The following ZNF732 variants were observed in gnomAD, a reference collection of about 807,000 sequenced individuals.
ZNF732 encodes the protein zinc finger protein 732.
ZNF732 carries 12 observed loss-of-function variants against 11.5 expected under a neutral mutation model. The ratio of observed to expected loss-of-function variants is 1.05; its 90% CI spans 0.67 to 1.70. The LOEUF (loss-of-function observed/expected upper bound fraction) is 1.70, where lower values mean the gene tolerates loss of function less well. ZNF732 is among the 40% of genes most tolerant of loss of function. ZNF732 has a pLI of 0.00. For missense variants in ZNF732, 702 were observed against 676.9 expected, an observed-to-expected ratio of 1.04 and a Z score of -0.41; for synonymous variants, 231 against 236.5, an observed-to-expected ratio of 0.98 and a Z score of 0.21.
chr4:297,313 G>T (rs181694633), intron 1 of ZNF732, among the ~76,000 whole-genome samples: 2 of 151,686 alleles, frequency 1.3e-5, no homozygotes, highest in African/African-American at 2.4e-5. Flanking sequence ...GCATTAATGC[G>T]GTATTTATGG....
At chr4:273,408 G>T (rs1021038602) in intron 3 of ZNF732, among the ~76,000 whole-genome samples, 4 of 151,612 alleles carry the variant, frequency 2.6e-5, no homozygotes, top group Admixed American at 6.6e-5. Flanking sequence ...CAAAATATTA[G>T]AACATGGTCT....
intron 3 of ZNF732, among the ~76,000 whole-genome samples, chr4:291,222 T>C (rs1553841307): frequency 2.0e-5 from 3 of 152,180 alleles, no homozygotes; most frequent in African/African-American, 7.2e-5. Context: ...GGATACGTAA[T>C]CAACATACAA....
chr4:287,205 T>A (rs1438423279), intron 3 of ZNF732, among the ~76,000 whole-genome samples: 2 of 151,548 alleles, frequency 1.3e-5, no homozygotes, highest in African/African-American at 4.8e-5. Flanking sequence ...CAAGAATATG[T>A]GAAACTTAAC....
In ZNF732 at chr4:271,864, C is replaced by A. The variant is rs368207740; in HGVS notation, c.993G>T (p.Glu331Asp). Residue 331 changes from glutamate to aspartate, a missense_variant, in exon 4 of 4, where the codon GAG (glutamate) becomes GAT (aspartate). Glu to Asp is a conservative substitution (Grantham distance 45). Around this residue, in one of 3 missense-constraint regions of ZNF732, gnomAD observed 596 missense variants for 557.9 expected, o/e 1.07. Coordinates refer to ENST00000419098, the MANE Select transcript of ZNF732 (RefSeq NM_001137608.3). ...LTKHNRIHTGEKPYTCEECGK... is the reference protein window; with the variant it reads ...LTKHNRIHTGDKPYTCEECGK... ...CACATTCTTCACATGTGTAGGGTTT[C>A]TCTCCAGTATGAATTCTGTTATGTT... 1.2e-6 allele frequency: 2 copies of A among 1,613,626 alleles called. No individual in the cohort carries two copies. The highest frequency in any genetic ancestry group is 1.7e-6 in the Non-Finnish European group (2 of 1,179,890).
intron 1 of ZNF732, among the ~76,000 whole-genome samples, chr4:300,470 A>AAG (rs1553843444): frequency 1.3e-5 from 2 of 149,472 alleles, no homozygotes; most frequent in African/African-American, 2.5e-5. Flanking sequence ...AAAAAAAAAA[A>AAG]AAAAGAAAAG....
chr4:293,248 A>ATGTATATATGTGTGTG (rs1553841638), intron 3 of ZNF732, among the ~76,000 whole-genome samples: 27 of 147,494 alleles, frequency 1.8e-4, no homozygotes, highest in African/African-American at 6.5e-4. Flanking sequence ...GTGTGTGTAT[A>ATGTATATATGTGTGTG]TATATATACA....
chr4:299,176 G>A (rs553467647), intron 1 of ZNF732, among the ~76,000 whole-genome samples: 8 of 151,904 alleles, frequency 5.3e-5, no homozygotes, highest in African/African-American at 1.7e-4. Flanking sequence ...CCAGAGGTAA[G>A]ATTCTCTCAT....
At chr4:303,678 A>C (rs1720163809) in intron 1 of ZNF732, among the ~76,000 whole-genome samples, 1 of 152,206 alleles carries the variant, frequency 6.6e-6, no homozygotes, top group South Asian at 2.1e-4. Flanking sequence ...AAGAGCAAAA[A>C]TTATTCCCTC....
In ZNF732 at chr4:271,870, A is replaced by G. The variant is rs1430364323; in HGVS notation, c.987T>C (p.Thr329=). ...CTTCACATGTGTAGGGTTTCTCTCCAGTATGAATTCTGTTATGTTTAGTAA... is the reference window on the plus strand; with the variant it reads ...CTTCACATGTGTAGGGTTTCTCTCCGGTATGAATTCTGTTATGTTTAGTAA... The part of the protein sequence containing the change: ...TTLTKHNRIH[T]GEKPYTCEEC... The change falls in exon 4 of 4, where the codon ACT becomes ACC. Residue 329 remains threonine, a synonymous_variant. Coordinates refer to ENST00000419098, the MANE Select transcript of ZNF732 (RefSeq NM_001137608.3). 3.0e-5 allele frequency: 48 copies of G among 1,613,740 alleles called. No homozygotes were observed. Among genetic ancestry groups the G allele is most frequent in the Non-Finnish European group, 3.9e-5 (46 of 1,179,882 alleles).
chr4:284,870 CAAAAAAAAAAAAAAA>C (rs1163209652), intron 3 of ZNF732, among the ~76,000 whole-genome samples: 1 of 54,820 alleles, frequency 1.8e-5, no homozygotes, highest in South Asian at 5.1e-4. Context: ...GACTCTGTCT[CAAAAAAAAAAAAAAA>C]AAAAAAAAGA....
intron 1 of ZNF732, among the ~76,000 whole-genome samples, chr4:299,635 TA>T (rs1720070494): frequency 7.0e-6 from 1 of 142,752 alleles, no homozygotes; most frequent in Non-Finnish European, 1.5e-5. Flanking sequence ...TATTTGTATA[TA>T]TTTATATATT....
chr4:271,670 C>T lies in ZNF732; in HGVS notation c.1187G>A (p.Gly396Glu), dbSNP rs1483904973. 2.5e-6 allele frequency: 4 copies of T among 1,611,128 alleles called. No homozygotes were observed. In the East Asian group the frequency reaches 6.7e-5, roughly 27 times the overall value. Residue 396 changes from glycine to glutamate, a missense_variant, in exon 4 of 4, where the codon GGA becomes GAA. Around this residue, in one of 3 missense-constraint regions of ZNF732, gnomAD observed 596 missense variants for 557.9 expected, o/e 1.07. Coordinates refer to ENST00000419098, the MANE Select transcript of ZNF732 (RefSeq NM_001137608.3). ...GGTTGTGAACCGACTAAAGGCTTTTCCACATTCTTCACATGTGTAGGGTTT... is the reference window on the plus strand; with the variant it reads ...GGTTGTGAACCGACTAAAGGCTTTTTCACATTCTTCACATGTGTAGGGTTT... ...GEKPYTCEEC[G>E]KAFSRFTTLN...
intron 1 of ZNF732, among the ~76,000 whole-genome samples, chr4:297,719 G>C (rs1012974454): frequency 9.3e-5 from 14 of 151,308 alleles, no homozygotes; most frequent in African/African-American, 3.4e-4. Context: ...AGGCACAAAA[G>C]TATATTGCTT....
chr4:303,477 C>T (rs754983797), intron 1 of ZNF732, among the ~76,000 whole-genome samples: 3 of 152,014 alleles, frequency 2.0e-5, no homozygotes, highest in Non-Finnish European at 4.4e-5. Flanking sequence ...ATTAGCTGGG[C>T]GTGGTGGCAC....
At position 296,859 on chromosome 4, in the gene ZNF732, T is replaced by C. The variant is rs544608355; in HGVS notation, c.4-704A>G. Among the ~76,000 whole-genome samples, 3 of 152,176 alleles carry C rather than the reference T, an allele frequency of 2.0e-5. No individual in the cohort carries two copies. The South Asian group carries it at 6.2e-4, about 32-fold the overall frequency. Reference sequence around the variant, plus strand: ...ACACCCTTATCACAACACAAATACTTTTCATCCCAAGACAAGACCACAAAT... The same window carrying C: ...ACACCCTTATCACAACACAAATACTCTTCATCCCAAGACAAGACCACAAAT... On this transcript the variant is annotated intron_variant, in intron 1 of 3. Transcript: ENST00000419098.
At chr4:299,495 G>GTATA (rs1167820871) in intron 1 of ZNF732, among the ~76,000 whole-genome samples, 5 of 49,696 alleles carry the variant, frequency 1.0e-4, no homozygotes, top group African/African-American at 1.8e-4. Context: ...ACATATGTGT[G>GTATA]TATATATACA....
Position 280,498 on chromosome 4 carries a change from T to C in ZNF732, c.227-7868A>G, listed in dbSNP as rs113652207. ...TACTCGGGAGGCTGAGGCAGGAGAA[T>C]TGCTTGAATCCGAGAGGCAGAGGTT... On this transcript the variant is annotated intron_variant, in intron 3 of 3. Coordinates refer to ENST00000419098, the MANE Select transcript of ZNF732 (RefSeq NM_001137608.3). Among the ~76,000 whole-genome samples, 223 of 152,226 alleles carry C rather than the reference T, an allele frequency of 1.5e-3. 1 individual carries two copies. Among genetic ancestry groups the C allele is most frequent in the East Asian group, 7.2e-3 (37 of 5,170 alleles).
Position 271,147 on chromosome 4 carries a change from G to A in ZNF732, c.1710C>T (p.Ser570=), listed in dbSNP as rs1553837180. The A allele has an allele frequency of 6.5e-7, 1 of 1,543,418 alleles. No homozygotes were observed. The highest frequency in any genetic ancestry group is 2.4e-5 in the East Asian group (1 of 41,042). Residue 570 remains serine (S), a synonymous_variant, in exon 4 of 4, where the codon TCC becomes TCT. Transcript: ENST00000419098. ...TTTTATTATGTTGATTAAGGTATGA[G>A]GACCACTTAAAGGCTTTGCCACATC... is the stretch of plus-strand genomic sequence containing the variant. ...CKGCGKAFKW[S]SYLNQHNKIY...
intron 3 of ZNF732, among the ~76,000 whole-genome samples, chr4:274,977 T>C (rs376530467): frequency 6.6e-6 from 1 of 151,686 alleles, no homozygotes; most frequent in African/African-American, 2.4e-5. Context: ...AATACCCCAG[T>C]TTCTGTAAGG....
Sources: gnomAD v4.1 joint callset for allele counts (sites outside exome capture counted in the v4.1 genomes callset) on GRCh38, gnomAD v4.1.1 for gene constraint, gnomAD v4.1.1 regional missense constraint, MANE v1.5 for transcripts, NCBI Gene and HGNC (gene_info 2026-07-23, HGNC 2026-07-21) for gene names.